Variants in AFF2 observed in about 807,000 individuals in gnomAD.
The protein encoded by AFF2 is ALF transcription elongation factor 2, also known as AF4/FMR2 family member 2.
Under a neutral mutation model 76.9 loss-of-function variants are expected in AFF2, and 14 were observed. The ratio of observed to expected loss-of-function variants is 0.18; its 90% CI spans 0.12 to 0.28. The LOEUF is 0.28. Among genes scored for constraint, AFF2 ranks in the 10% least tolerant of loss-of-function variants. AFF2 has a pLI of 1.00. For synonymous variants in AFF2, 398 were observed against 366.7 expected (o/e 1.09, Z -0.98); for missense variants, 868 against 1,001.1 (o/e 0.87, Z 1.79).
chrX:148,695,107 C>T (rs928042197), intron 3 of AFF2, among the ~76,000 whole-genome samples: 4 of 111,660 alleles, frequency 3.6e-5, no homozygotes, highest in East Asian at 2.8e-4. Flanking sequence ...TGAGCCACCA[C>T]GCCTGGCCTT....
intron 3 of AFF2, among the ~76,000 whole-genome samples, chrX:148,675,729 T>G (rs2054475790): frequency 9.1e-6 from 1 of 109,893 alleles, no homozygotes; most frequent in Non-Finnish European, 1.9e-5. Context: ...GAGTGGGGTC[T>G]GACTAAATGT....
chrX:148,762,754 G>T (rs782106262), intron 3 of AFF2, among the ~76,000 whole-genome samples: 2 of 110,824 alleles, frequency 1.8e-5, no homozygotes, highest in Non-Finnish European at 3.8e-5. Context: ...GGAACTGACT[G>T]CTCTTTGTGA....
intron 8 of AFF2, among the ~76,000 whole-genome samples, chrX:148,893,683 A>T (rs2071249373): frequency 8.9e-6 from 1 of 112,099 alleles, no homozygotes; most frequent in African/African-American, 3.2e-5. Context: ...ACAAAAATGG[A>T]TATGATCTGT....
At chrX:148,643,785 TA>T (rs2054114263) in intron 1 of AFF2, among the ~76,000 whole-genome samples, 1 of 111,620 alleles carries the variant, frequency 9.0e-6, no homozygotes, top group Non-Finnish European at 1.9e-5. Context: ...AGAAGCGAAG[TA>T]ACATTTGTTG....
chrX:148,914,564 A>G (rs1429614366), intron 9 of AFF2, among the ~76,000 whole-genome samples: 1 of 111,901 alleles, frequency 8.9e-6, no homozygotes, highest in Non-Finnish European at 1.9e-5. Flanking sequence ...GCAAATAAAT[A>G]GACACATCAA....
chrX:148,600,419 C>T (rs1374626175), intron 1 of AFF2, among the ~76,000 whole-genome samples: 1 of 111,347 alleles, frequency 9.0e-6, no homozygotes, highest in Non-Finnish European at 1.9e-5. Context: ...GAGCAGTAGC[C>T]AGAAGAAAAT....
At chrX:148,835,498 T>C (rs533800806) in intron 4 of AFF2, among the ~76,000 whole-genome samples, 3,009 of 101,296 alleles carry the variant, frequency 0.03, 46 homozygotes, top group Admixed American at 0.062. Flanking sequence ...TTTTTTTTTT[T>C]TTTTTGAGAT....
rs372376276 is a variant in AFF2 at position 148,501,059 on chromosome X, C to T, written c.-39C>T. On this transcript the variant is annotated 5_prime_UTR_variant, in exon 1 of 21. Coordinates refer to ENST00000370460, the MANE Select transcript of AFF2 (RefSeq NM_002025.4). ...GAGAGCCGCGCCGACCCGCTGCGAT[C>T]AGGGACAGGCGCCCGCCCGCCGCCG... The T allele has an allele frequency of 5.8e-6, 7 of 1,203,579 alleles. No homozygotes were observed. Among genetic ancestry groups the T allele is most frequent in the Non-Finnish European group, 7.8e-6 (7 of 892,637 alleles).
At chrX:148,830,916 A>G (rs1372312209) in intron 4 of AFF2, among the ~76,000 whole-genome samples, 1 of 110,659 alleles carries the variant, frequency 9.0e-6, no homozygotes, top group African/African-American at 3.3e-5. Flanking sequence ...GGCTTATTTC[A>G]TTCCTTATCT....
At chrX:148,847,996 G>T (rs1420679315) in intron 7 of AFF2, among the ~76,000 whole-genome samples, 2 of 111,479 alleles carry the variant, frequency 1.8e-5, no homozygotes, top group Non-Finnish European at 1.9e-5. Flanking sequence ...ATACAGAAGA[G>T]CCCTCTGAGT....
chrX:148,609,772 G>A (rs1287442345), intron 1 of AFF2, among the ~76,000 whole-genome samples: 1 of 111,365 alleles, frequency 9.0e-6, no homozygotes, highest in South Asian at 3.7e-4. Context: ...TATGGTCCTG[G>A]TGACATTCTT....
At chrX:148,610,792 A>G (rs2053721574) in intron 1 of AFF2, among the ~76,000 whole-genome samples, 1 of 111,509 alleles carries the variant, frequency 9.0e-6, no homozygotes, top group African/African-American at 3.3e-5. Flanking sequence ...GGCTCAACTG[A>G]TCTTATCAGC....
chrX:148,682,360 TC>T (rs1450535882), intron 3 of AFF2, among the ~76,000 whole-genome samples: 4 of 111,912 alleles, frequency 3.6e-5, no homozygotes, highest in Admixed American at 2.8e-4. Flanking sequence ...ACATCTACAA[TC>T]CTTTGAATGG....
chrX:148,862,995 A>G (rs782198240), intron 7 of AFF2, among the ~76,000 whole-genome samples: 2 of 111,318 alleles, frequency 1.8e-5, no homozygotes, highest in Non-Finnish European at 3.8e-5. Context: ...ATTTTTTTAT[A>G]TTTATTTCTG....
rs143927826 is a variant in AFF2 at position 148,956,226 on chromosome X, C to A, written c.2181C>A (p.Thr727=). 5.2e-5 allele frequency: 63 copies of A among 1,209,243 alleles called. No individual in the cohort carries two copies. Among genetic ancestry groups the A allele is most frequent in the Non-Finnish European group, 6.4e-5 (57 of 895,131 alleles). Residue 727 remains threonine (T), a synonymous_variant, in exon 11 of 21, where the codon ACC becomes ACA. Transcript: ENST00000370460. ...ACTCCAACACAGATCAGGAAGAGAC[C>A]CTGCAAATCAAAGTCCTGCCTCCGT... ...TSDSNTDQEE[T]LQIKVLPPCI...
At chrX:148,563,626 G>A (rs2053138365) in intron 1 of AFF2, among the ~76,000 whole-genome samples, 1 of 112,158 alleles carries the variant, frequency 8.9e-6, no homozygotes, top group East Asian at 2.8e-4. Flanking sequence ...ATATAACTCG[G>A]ACAGTCCATT....
intron 3 of AFF2, among the ~76,000 whole-genome samples, chrX:148,740,442 G>T (rs369623528): frequency 7.2e-5 from 8 of 110,990 alleles, no homozygotes; most frequent in Middle Eastern, 4.7e-3. Flanking sequence ...CAATTCTATT[G>T]CTGAGACTTT....
At chrX:148,837,098 A>G (rs2070536111) in intron 4 of AFF2, among the ~76,000 whole-genome samples, 2 of 111,712 alleles carry the variant, frequency 1.8e-5, no homozygotes, top group African/African-American at 6.5e-5. Flanking sequence ...GACAGATCAC[A>G]CGTGGAACAG....
At chrX:148,663,354 A>G (rs899168581) in intron 3 of AFF2, among the ~76,000 whole-genome samples, 3 of 112,261 alleles carry the variant, frequency 2.7e-5, no homozygotes, top group Non-Finnish European at 5.6e-5. Flanking sequence ...CTTCCTCCAC[A>G]GGTATCTACA....
Sources: allele counts gnomAD v4.1 joint callset (sites outside exome capture counted in the v4.1 genomes callset), GRCh38; gene constraint gnomAD v4.1.1; transcripts MANE v1.5; gene names NCBI Gene and HGNC (gene_info 2026-07-23, HGNC 2026-07-21).